The following DPP10 variants were observed in gnomAD, a reference collection of about 807,000 sequenced individuals.
DPP10 encodes the protein dipeptidyl peptidase like 10.
A neutral mutation model predicts 120.9 loss-of-function variants in DPP10; 33 were observed. That is an observed-to-expected ratio of 0.27 (90% confidence interval 0.21 to 0.37). The LOEUF is 0.37. Ranked by LOEUF, DPP10 falls within the 10% of genes least tolerant of loss-of-function variation. DPP10 has a pLI of 1.00. For synonymous variants in DPP10, 337 were observed against 326.1 expected (o/e 1.03, Z -0.36); for missense variants, 816 against 942.8 (o/e 0.87, Z 1.76).
intron 5 of DPP10, among the ~76,000 whole-genome samples, chr2:115,592,760 C>CA (rs1330255427): frequency 5.4e-5 from 8 of 148,548 alleles, no homozygotes; most frequent in African/African-American, 1.5e-4. Context: ...GTCTCAAAAA[C>CA]AAAAAAAGAA....
intron 5 of DPP10, among the ~76,000 whole-genome samples, chr2:115,608,609 C>T (rs976801577): frequency 6.6e-6 from 1 of 152,214 alleles, no homozygotes; most frequent in East Asian, 1.9e-4. Flanking sequence ...CAAGGATCAT[C>T]ATTCCTCAAA....
At chr2:114,746,512 A>G (rs894351404) in intron 1 of DPP10, among the ~76,000 whole-genome samples, 3 of 152,234 alleles carry the variant, frequency 2.0e-5, no homozygotes, top group African/African-American at 7.2e-5. Flanking sequence ...TCAAATAGGT[A>G]AGTGACTTGC....
chr2:114,856,819 A>G (rs1689406611), intron 1 of DPP10, among the ~76,000 whole-genome samples: 1 of 152,172 alleles, frequency 6.6e-6, no homozygotes, highest in South Asian at 2.1e-4. Context: ...TCACCTAGCT[A>G]TATGCTTGTA....
At chr2:114,817,685 C>G (rs1171871434) in intron 1 of DPP10, among the ~76,000 whole-genome samples, 1 of 151,874 alleles carries the variant, frequency 6.6e-6, no homozygotes, top group East Asian at 1.9e-4. Context: ...TTTCAGAGCA[C>G]CAAGTAAGGT....
At chr2:115,560,634 A>G (rs1306250797) in intron 5 of DPP10, among the ~76,000 whole-genome samples, 1 of 149,694 alleles carries the variant, frequency 6.7e-6, no homozygotes, top group Non-Finnish European at 1.5e-5. Context: ...TTTTATTCTG[A>G]GACAGGGTCT....
intron 1 of DPP10, among the ~76,000 whole-genome samples, chr2:114,826,270 A>G (rs1686523865): frequency 6.6e-6 from 1 of 152,210 alleles, no homozygotes; most frequent in Non-Finnish European, 1.5e-5. Context: ...CAATTTATTT[A>G]CTGACTTCAC....
chr2:114,488,357 C>G (rs1473941130), intron 1 of DPP10, among the ~76,000 whole-genome samples: 2 of 152,150 alleles, frequency 1.3e-5, no homozygotes, highest in African/African-American at 4.8e-5. Flanking sequence ...TGATAATAGC[C>G]TACTACACTT....
intron 4 of DPP10, among the ~76,000 whole-genome samples, chr2:115,502,869 A>C (rs1427212498): frequency 5.1e-5 from 2 of 38,920 alleles, no homozygotes; most frequent in Non-Finnish European, 1.2e-4. Context: ...AATTTTTTAA[A>C]ACAGTTTTTT....
chr2:114,918,206 A>G (rs776265336), intron 1 of DPP10, among the ~76,000 whole-genome samples: 6 of 152,206 alleles, frequency 3.9e-5, no homozygotes, highest in South Asian at 2.1e-4. Flanking sequence ...AAAATGTTCA[A>G]TATCACTCAT....
intron 1 of DPP10, among the ~76,000 whole-genome samples, chr2:114,574,205 C>T (rs1006976230): frequency 6.6e-6 from 1 of 152,176 alleles, no homozygotes; most frequent in Middle Eastern, 3.2e-3. Context: ...TAGACCCAGT[C>T]TGCAAGCATC....
Position 115,793,535 on chromosome 2 carries a change from A to G in DPP10, c.1700+2179A>G, listed in dbSNP as rs546499106. On this transcript the variant is annotated intron_variant, in intron 19 of 25. Coordinates refer to ENST00000410059, the MANE Select transcript of DPP10 (RefSeq NM_020868.6). The stretch of plus-strand genomic sequence containing the variant: ...CTTTTCTGCCAACCTAATATGGATA[A>G]TAGTATTTTAAAGTATTTAATGTGA... Among the ~76,000 whole-genome samples the G allele has an allele frequency of 2.0e-5, 3 of 152,138 alleles. No individual in the cohort carries two copies. The East Asian group carries it at 5.8e-4, about 29-fold the overall frequency.
chr2:114,660,230 A>G (rs1295834071), intron 1 of DPP10, among the ~76,000 whole-genome samples: 4 of 152,234 alleles, frequency 2.6e-5, no homozygotes, highest in African/African-American at 9.6e-5. Flanking sequence ...AGATGTGTAC[A>G]TTAAGAGCCT....
chr2:114,992,856 T>C (rs935802721), intron 1 of DPP10, among the ~76,000 whole-genome samples: 37 of 152,214 alleles, frequency 2.4e-4, no homozygotes. Flanking sequence ...GTGAATGACT[T>C]GTAGACAGTC....
chr2:115,507,034 GCACACACACACACACACACACAGA>G (rs1314390446), intron 4 of DPP10, among the ~76,000 whole-genome samples: 2 of 148,800 alleles, frequency 1.3e-5, no homozygotes, highest in Non-Finnish European at 3.0e-5. Context: ...ACACGCACGC[GCACACACACACACACACACACAGA>G]CACACACACC....
intron 2 of DPP10, among the ~76,000 whole-genome samples, chr2:115,312,985 A>C (rs1285146115): frequency 6.6e-6 from 1 of 152,164 alleles, no homozygotes. Context: ...GCACTTTGGG[A>C]GGCCGAGGTG....
intron 5 of DPP10, among the ~76,000 whole-genome samples, chr2:115,600,175 C>T (rs1025454662): frequency 1.7e-4 from 26 of 152,046 alleles, no homozygotes; most frequent in Non-Finnish European, 7.3e-5. Context: ...CGCTATGCTG[C>T]CCCAAGTTTT....
At chr2:114,827,979 CTTTG>C (rs1191246495) in intron 1 of DPP10, among the ~76,000 whole-genome samples, 3 of 152,116 alleles carry the variant, frequency 2.0e-5, no homozygotes, top group Non-Finnish European at 4.4e-5. Context: ...CTTACAGTGG[CTTTG>C]TTTTTCTTGC....
intron 1 of DPP10, among the ~76,000 whole-genome samples, chr2:114,758,417 A>C (rs1679983121): frequency 6.6e-6 from 1 of 152,144 alleles, no homozygotes; most frequent in African/African-American, 2.4e-5. Flanking sequence ...TTCCGATCTG[A>C]GGGTTTTTTC....
intron 1 of DPP10, among the ~76,000 whole-genome samples, chr2:114,579,489 A>G (rs1489279345): frequency 1.3e-5 from 2 of 152,236 alleles, no homozygotes; most frequent in Non-Finnish European, 2.9e-5. Context: ...ATCTAGATTC[A>G]GAGTTTAGAA....
Sources: allele counts gnomAD v4.1 joint callset (sites outside exome capture counted in the v4.1 genomes callset), GRCh38; gene constraint gnomAD v4.1.1; transcripts MANE v1.5; gene names NCBI Gene and HGNC (gene_info 2026-07-23, HGNC 2026-07-21).